CDIN1: variants seen among roughly 807,000 people sequenced by gnomAD.
The protein encoded by CDIN1 is CDAN1 interacting nuclease 1.
Under a neutral mutation model 45.3 loss-of-function variants are expected in CDIN1, and 33 were observed. The observed-to-expected ratio is 0.73, with a 90% CI of 0.55 to 0.97. The LOEUF is 0.97. Ranked by LOEUF, CDIN1 falls within the 50% of genes least tolerant of loss-of-function variation. The probability of loss-of-function intolerance (pLI) is 0.00; values close to 1 mark genes in which losing one functional copy is unlikely to be tolerated. For missense variants in CDIN1, 303 were observed against 339.4 expected (o/e 0.89, Z 0.84); for synonymous variants, 118 against 124.4 (o/e 0.95, Z 0.34).
intron 10 of CDIN1, among the ~76,000 whole-genome samples, chr15:36,740,057 C>T (rs1253761386): frequency 6.6e-6 from 1 of 152,180 alleles, no homozygotes; most frequent in Non-Finnish European, 1.5e-5. Context: ...AAAATGCTCT[C>T]CAAACAAAAG....
At chr15:36,691,654 C>T (rs749935892) in intron 5 of CDIN1, 31 bp from the exon 6 acceptor site, 1 of 1,420,056 alleles carries the variant, frequency 7.0e-7, no homozygotes, top group Non-Finnish European at 9.8e-7. Flanking sequence ...TGTTGACTAT[C>T]TGCTAACAGT....
chr15:36,738,546 C>A (rs1411347743), intron 10 of CDIN1, among the ~76,000 whole-genome samples: 1 of 152,154 alleles, frequency 6.6e-6, no homozygotes, highest in African/African-American at 2.4e-5. Context: ...ACCCACTCTG[C>A]AACAGCCATT....
intron 10 of CDIN1, among the ~76,000 whole-genome samples, chr15:36,781,137 A>G (rs1464390061): frequency 6.6e-6 from 1 of 152,218 alleles, no homozygotes; most frequent in Non-Finnish European, 1.5e-5. Flanking sequence ...ATAGATGGTA[A>G]TACAAAAGAA....
intron 8 of CDIN1, among the ~76,000 whole-genome samples, chr15:36,700,519 C>CT (rs974013218): frequency 1.3e-5 from 2 of 151,654 alleles, no homozygotes; most frequent in Non-Finnish European, 2.9e-5. Flanking sequence ...TCATGAGCTG[C>CT]TTTTTCCTGA....
At chr15:36,774,197 CAT>C (rs1422574965) in intron 10 of CDIN1, among the ~76,000 whole-genome samples, 1 of 150,920 alleles carries the variant, frequency 6.6e-6, no homozygotes, top group Admixed American at 6.6e-5. Flanking sequence ...GAGACACAAT[CAT>C]AGCCCCTTAG....
At chr15:36,701,922 T>G (rs945260866) in intron 8 of CDIN1, 12 of 597,754 alleles carry the variant, frequency 2.0e-5, no homozygotes, top group Non-Finnish European at 3.3e-5. Flanking sequence ...TTTCTAAGAG[T>G]TCATCTGCCC....
At chr15:36,611,218 C>G (rs964490436) in intron 1 of CDIN1, among the ~76,000 whole-genome samples, 2 of 152,144 alleles carry the variant, frequency 1.3e-5, no homozygotes, top group African/African-American at 4.8e-5. Flanking sequence ...ATTGACAATA[C>G]TCAGATAGAC....
At chr15:36,695,104 G>A (rs1489675314) in intron 7 of CDIN1, among the ~76,000 whole-genome samples, 1 of 152,172 alleles carries the variant, frequency 6.6e-6, no homozygotes, top group Non-Finnish European at 1.5e-5. Context: ...GATGACTTAG[G>A]GCATGTTTTG....
chr15:36,782,824 A>G (rs1191172878), intron 10 of CDIN1, among the ~76,000 whole-genome samples: 2 of 152,226 alleles, frequency 1.3e-5, no homozygotes, highest in Non-Finnish European at 2.9e-5. Context: ...CTTAAAAAAG[A>G]AGATAAAACT....
intron 10 of CDIN1, among the ~76,000 whole-genome samples, chr15:36,732,675 G>A (rs2043873890): frequency 6.6e-6 from 1 of 151,954 alleles, no homozygotes; most frequent in Non-Finnish European, 1.5e-5. Flanking sequence ...TCTGGAAGAT[G>A]GATATCTGAG....
intron 10 of CDIN1, among the ~76,000 whole-genome samples, chr15:36,743,539 G>C (rs1666795659): frequency 6.6e-6 from 1 of 152,130 alleles, no homozygotes; most frequent in South Asian, 2.1e-4. Flanking sequence ...TCTGATGCTT[G>C]AAACCCAGGT....
At chr15:36,749,298 T>C (rs1373120971) in intron 10 of CDIN1, among the ~76,000 whole-genome samples, 1 of 152,180 alleles carries the variant, frequency 6.6e-6, no homozygotes, top group Non-Finnish European at 1.5e-5. Context: ...AATGAATTTT[T>C]AGCTTGTGAT....
At chr15:36,651,987 A>C (rs747266901) in intron 3 of CDIN1, among the ~76,000 whole-genome samples, 2 of 152,232 alleles carry the variant, frequency 1.3e-5, no homozygotes, top group Non-Finnish European at 2.9e-5. Flanking sequence ...ATTTTGACTT[A>C]AAGCAACAGA....
intron 10 of CDIN1, among the ~76,000 whole-genome samples, chr15:36,730,873 TTTAG>T (rs2043809181): frequency 6.6e-6 from 1 of 152,114 alleles, no homozygotes; most frequent in African/African-American, 2.4e-5. Flanking sequence ...TTTTCTAATT[TTTAG>T]TATTTCCTAA....
chr15:36,625,933 T>A (rs2039404359), intron 1 of CDIN1, among the ~76,000 whole-genome samples: 1 of 152,110 alleles, frequency 6.6e-6, no homozygotes, highest in South Asian at 2.1e-4. Context: ...TTTGTTACCT[T>A]TTATTTCACA....
chr15:36,702,152 G>A (rs1715747474), intron 8 of CDIN1: 2 of 701,650 alleles, frequency 2.9e-6, no homozygotes, highest in Non-Finnish European at 5.2e-6. Flanking sequence ...GAGATGGCTG[G>A]GTATTTCATA....
chr15:36,723,024 A>G (rs1407398554), intron 10 of CDIN1, among the ~76,000 whole-genome samples: 1 of 151,046 alleles, frequency 6.6e-6, no homozygotes, highest in African/African-American at 2.4e-5. Flanking sequence ...TACTCTTAAG[A>G]TCTGTGTGAA....
intron 5 of CDIN1, among the ~76,000 whole-genome samples, chr15:36,661,055 A>G (rs2040992264): frequency 6.6e-6 from 1 of 152,140 alleles, no homozygotes; most frequent in Non-Finnish European, 1.5e-5. Flanking sequence ...TGGGTGGAGC[A>G]TGTGAGGCCA....
intron 10 of CDIN1, among the ~76,000 whole-genome samples, chr15:36,718,812 C>CTTTTTTTTTTTTTT (rs3045909): frequency 4.1e-5 from 4 of 96,646 alleles, no homozygotes; most frequent in South Asian, 4.2e-4. Context: ...AATTTGTATG[C>CTTTTTTTTTTTTTT]TTTTTTTTTT....
Sources: gnomAD v4.1 joint callset for allele counts (sites outside exome capture counted in the v4.1 genomes callset) on GRCh38, gnomAD v4.1.1 for gene constraint, MANE v1.5 for transcripts, NCBI Gene and HGNC (gene_info 2026-07-23, HGNC 2026-07-21) for gene names.